MIB1: variants seen among roughly 807,000 people sequenced by gnomAD.
MIB1 encodes the protein MIB E3 ubiquitin protein ligase 1.
Under a neutral mutation model 124.5 loss-of-function variants are expected in MIB1, and 278 were observed. That is an observed-to-expected ratio of 2.23 (90% CI 2.02 to 2.47). The LOEUF is 2.47. Among genes scored for constraint, MIB1 ranks in the 30% most tolerant of loss-of-function variants. MIB1 has a pLI of 0.00. For missense variants in MIB1, 957 were observed against 1,254.4 expected, an observed-to-expected ratio of 0.76 and a Z score of 3.58; for synonymous variants, 446 against 429.4, an observed-to-expected ratio of 1.04 and a Z score of -0.48.
At chr18:21,714,214 C>T (rs2040678602) in intron 1 of MIB1, among the ~76,000 whole-genome samples, 2 of 152,204 alleles carry the variant, frequency 1.3e-5, no homozygotes, top group Non-Finnish European at 2.9e-5. Context: ...CCTCCTCCTC[C>T]TCCCTGCCTA....
At chr18:21,731,476 G>A (rs1345287605) in intron 1 of MIB1, among the ~76,000 whole-genome samples, 4 of 152,164 alleles carry the variant, frequency 2.6e-5, no homozygotes, top group Non-Finnish European at 4.4e-5. Context: ...GCTCATGCCT[G>A]TAATCCCAGC....
At chr18:21,721,409 G>T (rs371419978) in intron 1 of MIB1, among the ~76,000 whole-genome samples, 1 of 151,866 alleles carries the variant, frequency 6.6e-6, no homozygotes, top group South Asian at 2.1e-4. Flanking sequence ...TTGAACTCCC[G>T]ATCTCAAGTG....
chr18:21,706,797 AC>A (rs990269621), intron 1 of MIB1, among the ~76,000 whole-genome samples: 2 of 151,506 alleles, frequency 1.3e-5, no homozygotes, highest in Non-Finnish European at 2.9e-5. Flanking sequence ...CCTGAGCCGC[AC>A]CCCCCGCCCC....
At chr18:21,740,098 T>C (rs2040827863), upstream of MIB1, among the ~76,000 whole-genome samples, 1 of 152,226 alleles carries the variant, frequency 6.6e-6, no homozygotes, top group South Asian at 2.1e-4. Context: ...TAACAATGCA[T>C]GCTAACGGTG....
At position 21,819,609 on chromosome 18, in the gene MIB1, AAT is replaced by A; in HGVS notation, c.1793_1794del (p.Asn598SerfsTer20). ...DVTITNNNGF[N>X]ALHHAALRGN... The stretch of plus-strand genomic sequence containing the variant: ...TACCATCACAAACAATAATGGATTT[AAT>A]GCTCTGCATCATGCTGCACTAAGGG... On this transcript the variant is annotated frameshift_variant, in exon 12 of 21. Coordinates refer to ENST00000261537, the MANE Select transcript of MIB1 (RefSeq NM_020774.4). LOFTEE classifies it high-confidence loss of function. 2 of 1,611,010 alleles carry A rather than the reference AAT, an allele frequency of 1.2e-6. No homozygotes were observed. The highest frequency in any genetic ancestry group is 1.7e-6 in the Non-Finnish European group (2 of 1,178,488).
chr18:21,850,604 T>A (rs774778048), intron 17 of MIB1, among the ~76,000 whole-genome samples: 5 of 152,150 alleles, frequency 3.3e-5, no homozygotes, highest in African/African-American at 4.8e-5. Flanking sequence ...CACAAGGAAG[T>A]TATTTTTGAT....
intron 1 of MIB1, among the ~76,000 whole-genome samples, chr18:21,754,846 A>G (rs1483048397): frequency 1.3e-5 from 2 of 152,220 alleles, no homozygotes; most frequent in East Asian, 1.9e-4. Context: ...GTGAACAGAA[A>G]TCTGTTCCAG....
chr18:21,759,602 C>T (rs752624256), intron 1 of MIB1, among the ~76,000 whole-genome samples: 13 of 152,126 alleles, frequency 8.5e-5, no homozygotes, highest in South Asian at 2.1e-4. Flanking sequence ...TGTTGAATTG[C>T]GTGGCCGTTG....
intron 17 of MIB1, 104 bp from the exon 18 acceptor site, chr18:21,853,036 G>A: frequency 9.4e-6 from 7 of 746,140 alleles, no homozygotes; most frequent in Non-Finnish European, 1.4e-5. Flanking sequence ...TCTGTGCCTA[G>A]GTGTTTTCTT....
chr18:21,753,111 A>T (rs1462567649), intron 1 of MIB1, among the ~76,000 whole-genome samples: 1 of 152,178 alleles, frequency 6.6e-6, no homozygotes, highest in Admixed American at 6.5e-5. Context: ...ATATATGTAG[A>T]AAAAGGATGA....
intron 10 of MIB1, among the ~76,000 whole-genome samples, chr18:21,814,893 AAACAAC>A (rs530748972): frequency 3.0e-4 from 44 of 149,132 alleles, no homozygotes; most frequent in Admixed American, 4.7e-4. Flanking sequence ...GATTCTTTAA[AAACAAC>A]AACAACAACA....
intron 1 of MIB1, among the ~76,000 whole-genome samples, chr18:21,706,191 C>T (rs1598575186): frequency 6.6e-6 from 1 of 152,306 alleles, no homozygotes; most frequent in East Asian, 1.9e-4. Flanking sequence ...ACGTGATTCT[C>T]CTGCCTCAGC....
chr18:21,738,556 C>A (rs1482827446), upstream of MIB1, among the ~76,000 whole-genome samples: 2 of 151,698 alleles, frequency 1.3e-5, no homozygotes, highest in Non-Finnish European at 2.9e-5. Flanking sequence ...GCCTGTAATC[C>A]CAGCACTTTG....
chr18:21,757,487 C>CT (rs749427675), intron 1 of MIB1, among the ~76,000 whole-genome samples: 2,538 of 84,298 alleles, frequency 0.03, 187 homozygotes, highest in African/African-American at 0.1. Context: ...AAAAGACAGT[C>CT]TTTTTTTTTT....
At position 21,799,976 on chromosome 18, in the gene MIB1, T is replaced by C; in HGVS notation, c.1371+2T>C. On this transcript the variant is annotated splice_donor_variant, in intron 9 of 20. Coordinates refer to ENST00000261537, the MANE Select transcript of MIB1 (RefSeq NM_020774.4). LOFTEE classifies it high-confidence loss of function. ...TTGCTTAAAAGACCAGATGTGGATGTGAGCATTTTAAAAATTATTTTGAAG... is the reference window on the plus strand; with the variant it reads ...TTGCTTAAAAGACCAGATGTGGATGCGAGCATTTTAAAAATTATTTTGAAG... The C allele has an allele frequency of 6.2e-7, 1 of 1,608,074 alleles. No individual in the cohort carries two copies.
intron 4 of MIB1, among the ~76,000 whole-genome samples, chr18:21,776,929 A>G (rs997209610): frequency 6.6e-6 from 1 of 151,068 alleles, no homozygotes; most frequent in African/African-American, 2.4e-5. Context: ...GTGAGCCGAG[A>G]TCCCGCCACT....
chr18:21,750,254 C>T (rs186363910), intron 1 of MIB1, among the ~76,000 whole-genome samples: 5 of 152,142 alleles, frequency 3.3e-5, no homozygotes, highest in Admixed American at 1.3e-4. Context: ...TGGGTGCAAG[C>T]GATTCTCCTA....
chr18:21,779,730 T>C lies in MIB1; in HGVS notation c.908+45T>C, dbSNP rs771657473. 9 of 1,482,406 alleles carry C rather than the reference T, an allele frequency of 6.1e-6. No homozygotes were observed. In the South Asian group the frequency reaches 8.0e-5, roughly 13 times the overall value. The allele number at this position is 1,482,406 out of a possible 1,614,324, so 91.8% of individuals were successfully genotyped here. A position where few individuals can be genotyped will look rare whatever the true frequency, so the allele number is the denominator to read the frequency against. On this transcript the variant is annotated intron_variant, in intron 6 of 20. Coordinates refer to ENST00000261537, the MANE Select transcript of MIB1 (RefSeq NM_020774.4). ...TTTTGACAATGACAAATAAAACTAA[T>C]ATAGAGAAAAGTCTTAGAGAAAGCA... is the stretch of plus-strand genomic sequence containing the variant.
intron 1 of MIB1, among the ~76,000 whole-genome samples, chr18:21,723,523 GT>G (rs906204582): frequency 6.7e-5 from 10 of 148,410 alleles, no homozygotes; most frequent in African/African-American, 2.0e-4. Flanking sequence ...ATCTATAATT[GT>G]TTTTTTTTTG....
Sources: gnomAD v4.1 joint callset for allele counts (sites outside exome capture counted in the v4.1 genomes callset) on GRCh38, gnomAD v4.1.1 for gene constraint, MANE v1.5 for transcripts, NCBI Gene and HGNC (gene_info 2026-07-23, HGNC 2026-07-21) for gene names.